RGS6: variants seen among roughly 807,000 people sequenced by gnomAD.
The protein encoded by RGS6 is regulator of G-protein signaling 6.
RGS6 carries 30 observed loss-of-function variants against 78.5 expected under a neutral mutation model. The ratio of observed to expected loss-of-function variants is 0.38; its 90% CI spans 0.29 to 0.52. The LOEUF (loss-of-function observed/expected upper bound fraction) is 0.52. Ranked by LOEUF, RGS6 falls within the 20% of genes least tolerant of loss-of-function variation. The pLI is 0.85. For missense variants in RGS6, 495 were observed against 609.7 expected (o/e 0.81, Z 1.98); for synonymous variants, 206 against 206.0 (o/e 1.00, Z 0.00).
intron 6 of RGS6, among the ~76,000 whole-genome samples, chr14:72,460,560 C>T (rs995766127): frequency 6.6e-6 from 1 of 152,192 alleles, no homozygotes; most frequent in South Asian, 2.1e-4. Flanking sequence ...AACTTGAACT[C>T]AGATCTGAGT....
intron 2 of RGS6, among the ~76,000 whole-genome samples, chr14:72,125,821 C>A (rs2087042166): frequency 6.6e-6 from 1 of 152,074 alleles, no homozygotes. Context: ...AGTCAACCAA[C>A]AGACATTCAT....
the RGS6 span, among the ~76,000 whole-genome samples, chr14:71,917,940 G>A: frequency 6.6e-6 from 1 of 151,994 alleles, no homozygotes; most frequent in Non-Finnish European, 1.5e-5. Context: ...TTGGGAGGCC[G>A]AGACGGGCGC....
intron 3 of RGS6, among the ~76,000 whole-genome samples, chr14:72,406,382 CAAAAA>C (rs111795066): frequency 6.9e-6 from 1 of 145,556 alleles, no homozygotes; most frequent in Non-Finnish European, 1.5e-5. Flanking sequence ...GACTCCATCT[CAAAAA>C]AAAAAATAAG....
intron 2 of RGS6, among the ~76,000 whole-genome samples, chr14:72,303,636 A>G (rs1489689262): frequency 6.6e-6 from 1 of 152,248 alleles, no homozygotes; most frequent in Non-Finnish European, 1.5e-5. Context: ...TTATATGTAC[A>G]TGATACAAAA....
At chr14:72,620,086 A>C in the RGS6 span, 2 of 1,229,092 alleles carry the variant, frequency 1.6e-6, no homozygotes, top group Non-Finnish European at 2.2e-6. Flanking sequence ...CGTCGGTCTC[A>C]CTGGATCCCC....
chr14:72,551,849 C>T (rs892103642), intron 17 of RGS6, among the ~76,000 whole-genome samples: 4 of 152,210 alleles, frequency 2.6e-5, no homozygotes, highest in Non-Finnish European at 5.9e-5. Context: ...TACTTCAGCT[C>T]CATCACTTAG....
intron 2 of RGS6, among the ~76,000 whole-genome samples, chr14:72,207,692 C>G (rs2043030314): frequency 1.3e-5 from 2 of 152,232 alleles, no homozygotes; most frequent in Non-Finnish European, 2.9e-5. Context: ...TCCAATGACT[C>G]CATTTCTGAT....
intron 2 of RGS6, among the ~76,000 whole-genome samples, chr14:72,038,094 C>T (rs1596428192): frequency 6.6e-6 from 1 of 151,146 alleles, no homozygotes; most frequent in East Asian, 1.9e-4. Context: ...TTCAGCCTCC[C>T]AAGTAGCTGG....
At chr14:72,059,918 T>G (rs2093808495) in intron 2 of RGS6, among the ~76,000 whole-genome samples, 1 of 152,192 alleles carries the variant, frequency 6.6e-6, no homozygotes. Flanking sequence ...CCCCTCAGTC[T>G]GTGATATTTT....
At chr14:72,464,911 C>A (rs1186214448) in intron 6 of RGS6, among the ~76,000 whole-genome samples, 1 of 152,168 alleles carries the variant, frequency 6.6e-6, no homozygotes, top group African/African-American at 2.4e-5. Flanking sequence ...AGCCTCTGCC[C>A]TTAAAGAGAC....
intron 2 of RGS6, among the ~76,000 whole-genome samples, chr14:72,055,334 GT>G (rs2093564650): frequency 6.6e-6 from 1 of 151,702 alleles, no homozygotes; most frequent in African/African-American, 2.4e-5. Flanking sequence ...CCAATTTTGT[GT>G]TTATAAATCT....
chr14:72,144,750 T>A (rs1024351967), intron 2 of RGS6, among the ~76,000 whole-genome samples: 1 of 151,958 alleles, frequency 6.6e-6, no homozygotes, highest in Admixed American at 6.6e-5. Context: ...TGATTCATTT[T>A]TTTTTTTTTT....
At chr14:71,999,552 G>C (rs953922476) in intron 2 of RGS6, among the ~76,000 whole-genome samples, 1 of 152,170 alleles carries the variant, frequency 6.6e-6, no homozygotes, top group Admixed American at 6.5e-5. Context: ...CTCAAATCTC[G>C]TGTCAAATCA....
intron 3 of RGS6, among the ~76,000 whole-genome samples, chr14:72,361,914 G>C (rs774116583): frequency 6.6e-6 from 1 of 152,158 alleles, no homozygotes; most frequent in Non-Finnish European, 1.5e-5. Flanking sequence ...AAACCCCATG[G>C]TATATAAAGT....
At chr14:72,095,325 C>T (rs2095377960) in intron 2 of RGS6, among the ~76,000 whole-genome samples, 1 of 152,136 alleles carries the variant, frequency 6.6e-6, no homozygotes, top group Non-Finnish European at 1.5e-5. Context: ...ATTGGCAATA[C>T]TGTCAGAGAC....
At chr14:72,579,088 C>T in the RGS6 span, among the ~76,000 whole-genome samples, 12 of 152,300 alleles carry the variant, frequency 7.9e-5, 1 homozygote, top group East Asian at 2.1e-3. Context: ...GTCCCAAAGT[C>T]AGTCAGTCAG....
the RGS6 span, among the ~76,000 whole-genome samples, chr14:72,608,582 T>TC: frequency 1.3e-5 from 2 of 152,066 alleles, no homozygotes; most frequent in African/African-American, 4.8e-5. Flanking sequence ...TTCATCAACC[T>TC]CCCTTCTCCT....
chr14:71,871,669 A>ACCCCTT, the RGS6 span, among the ~76,000 whole-genome samples: 1 of 151,828 alleles, frequency 6.6e-6, no homozygotes, highest in East Asian at 1.9e-4. Context: ...GTCCTCCCTG[A>ACCCCTT]CCCCTTTGTC....
chr14:72,284,850 G>A (rs115116896), intron 2 of RGS6, among the ~76,000 whole-genome samples: 1 of 152,202 alleles, frequency 6.6e-6, no homozygotes, highest in African/African-American at 2.4e-5. Context: ...CAAGGGTGGG[G>A]CTGCCCATAG....
Sources: allele counts gnomAD v4.1 joint callset (sites outside exome capture counted in the v4.1 genomes callset), GRCh38; gene constraint gnomAD v4.1.1; transcripts MANE v1.5; gene names NCBI Gene and HGNC (gene_info 2026-07-23, HGNC 2026-07-21).